The following PRKN variants were observed in gnomAD, a reference collection of about 807,000 sequenced individuals.
PRKN encodes E3 ubiquitin-protein ligase parkin.
Under a neutral mutation model 59.5 loss-of-function variants are expected in PRKN, and 56 were observed. That is an observed-to-expected ratio of 0.94 (90% CI 0.76 to 1.18). The LOEUF is 1.18. PRKN is among the 50% of genes most tolerant of loss of function. The pLI is 0.00. For missense variants in PRKN, 657 were observed against 596.4 expected, an observed-to-expected ratio of 1.10 and a Z score of -1.06; for synonymous variants, 250 against 222.1, an observed-to-expected ratio of 1.13 and a Z score of -1.12.
At chr6:162,189,120 C>A (rs554533022) in intron 4 of PRKN, among the ~76,000 whole-genome samples, 2 of 151,330 alleles carry the variant, frequency 1.3e-5, no homozygotes, top group African/African-American at 4.8e-5. Flanking sequence ...AAAGTTGATT[C>A]CTATTCTAAT....
intron 6 of PRKN, among the ~76,000 whole-genome samples, chr6:161,861,421 G>A (rs1389672219): frequency 1.3e-5 from 2 of 152,128 alleles, no homozygotes; most frequent in Non-Finnish European, 2.9e-5. Flanking sequence ...ACCAGGGCCT[G>A]TTGGGCAATG....
At position 162,114,801 on chromosome 6, in the gene PRKN, T is replaced by G. The variant is rs1260644684; in HGVS notation, c.535-60627A>C. On this transcript the variant is annotated intron_variant, in intron 4 of 11. Transcript: ENST00000366898. ...AAATCAAAACCACAATGAGATACCA[T>G]CTCACACCAGTTAGAACGGCAATCA... 3.3e-5 allele frequency among the ~76,000 whole-genome samples: 5 copies of G among 151,978 alleles called. No homozygotes were observed. The East Asian group carries it at 9.7e-4, about 29-fold the overall frequency.
In PRKN at chr6:161,385,032, C is replaced by G. The variant is rs562937170; in HGVS notation, c.1167+1762G>C. On this transcript the variant is annotated intron_variant, in intron 10 of 11. Transcript: ENST00000366898. The surrounding 1 kb of genome is among the most constrained non-coding windows in gnomAD (Gnocchi z 4.9). ...GCAACCTCCACCTCCCGGGTTCAAG[C>G]GATTCTCCTGCCTCAGCCTCCTGAA... is the stretch of plus-strand genomic sequence containing the variant. Among the ~76,000 whole-genome samples, 1 of 152,110 alleles carries G rather than the reference C, an allele frequency of 6.6e-6. No individual in the cohort carries two copies. The highest frequency in any genetic ancestry group is 1.5e-5 in the Non-Finnish European group (1 of 68,026).
At chr6:161,958,852 A>G (rs534467746) in intron 6 of PRKN, among the ~76,000 whole-genome samples, 1 of 151,462 alleles carries the variant, frequency 6.6e-6, no homozygotes, top group Non-Finnish European at 1.5e-5. Context: ...TGACCTCTGA[A>G]CTGGGCAACA....
intron 7 of PRKN, among the ~76,000 whole-genome samples, chr6:161,731,723 G>A (rs1410343988): frequency 6.6e-6 from 1 of 152,144 alleles, no homozygotes; most frequent in African/African-American, 2.4e-5. Context: ...AACAGAGACT[G>A]AAGAAGACAG....
At chr6:161,539,410 GCATGCCTGGCTCTTTCTGGAACAGCAGC>G (rs1779538772) in intron 9 of PRKN, among the ~76,000 whole-genome samples, 1 of 106,268 alleles carries the variant, frequency 9.4e-6, no homozygotes, top group Non-Finnish European at 2.5e-5. Context: ...ACCACCACCT[GCATGCCTGGCTCTTTCTGGAACAGCAGC>G]GAGCCTTCAC....
At chr6:161,635,401 T>C (rs1307316987) in intron 7 of PRKN, among the ~76,000 whole-genome samples, 1 of 152,202 alleles carries the variant, frequency 6.6e-6, no homozygotes, top group Non-Finnish European at 1.5e-5. Context: ...CCTATTTACA[T>C]GTGCTGACAG....
intron 6 of PRKN, among the ~76,000 whole-genome samples, chr6:161,859,802 T>A (rs9347548): frequency 0.5 from 75,200 of 151,708 alleles, 18,845 homozygotes; most frequent in East Asian, 0.74. Context: ...AAACTATGGT[T>A]TTATCCCAGA....
intron 2 of PRKN, among the ~76,000 whole-genome samples, chr6:162,385,405 T>C (rs558988801): frequency 6.6e-6 from 1 of 152,284 alleles, no homozygotes; most frequent in Admixed American, 6.5e-5. Flanking sequence ...ACACAAAAAC[T>C]TTCTCTATTA....
chr6:161,573,062 G>A (rs965671866), intron 7 of PRKN, among the ~76,000 whole-genome samples: 2 of 152,156 alleles, frequency 1.3e-5, no homozygotes, highest in African/African-American at 2.4e-5. Context: ...TAGAAGGCAA[G>A]GGAGGCTTCC....
rs562039466 is a variant in PRKN, at chr6:161,906,998, AGTCCACT to A, written c.734+66297_734+66303del. Among the ~76,000 whole-genome samples the A allele has an allele frequency of 1.4e-3, 213 of 152,196 alleles. 3 individuals carry two copies. The highest frequency in any genetic ancestry group is 2.5e-3 in the South Asian group (12 of 4,822). On this transcript the variant is annotated intron_variant, in intron 6 of 11. Coordinates refer to ENST00000366898, the MANE Select transcript of PRKN (RefSeq NM_004562.3). Reference sequence around the variant, plus strand: ...GATTGAGGGTGGGTCTGCCTCTCCCAGTCCACTGACTCAAATGTTTATCTCCTTTGGG... The same window carrying A: ...GATTGAGGGTGGGTCTGCCTCTCCCAGACTCAAATGTTTATCTCCTTTGGG...
In PRKN at chr6:162,011,055, ATTATAATATATAATATAT is replaced by A. The variant is rs1429330562; in HGVS notation, c.619-37656_619-37639del. On this transcript the variant is annotated intron_variant, in intron 5 of 11. Coordinates refer to ENST00000366898, the MANE Select transcript of PRKN (RefSeq NM_004562.3). ...ATTATAATATATATTTATAATATAT[ATTATAATATATAATATAT>A]TTATAATATATATTATAATATATAA... is the stretch of plus-strand genomic sequence containing the variant. 2.4e-4 allele frequency among the ~76,000 whole-genome samples: 3 copies of A among 12,256 alleles called. 1 individual carries two copies. In the East Asian group the frequency reaches 0.013, roughly 51 times the overall value. The allele number at this position is 12,256 out of a possible 152,430, so 8.0% of individuals were successfully genotyped here.
chr6:161,528,588 C>T (rs1779095092), intron 9 of PRKN, among the ~76,000 whole-genome samples: 1 of 152,176 alleles, frequency 6.6e-6, no homozygotes, highest in African/African-American at 2.4e-5. Context: ...ATAGGGCCCC[C>T]TCATATAACA....
At chr6:161,715,116 G>A (rs540454175) in intron 7 of PRKN, among the ~76,000 whole-genome samples, 35 of 152,254 alleles carry the variant, frequency 2.3e-4, no homozygotes, top group African/African-American at 8.4e-4. Context: ...CACATTGCTG[G>A]GTTTTTATAA....
At position 161,448,485 on chromosome 6, in the gene PRKN, C is replaced by T. The variant is rs2115113293; in HGVS notation, c.1084-61608G>A. Among the ~76,000 whole-genome samples the T allele has an allele frequency of 6.6e-6, 1 of 152,258 alleles. No individual in the cohort carries two copies. The highest frequency in any genetic ancestry group is 1.5e-5 in the Non-Finnish European group (1 of 68,018). The stretch of plus-strand genomic sequence containing the variant: ...ATGCTGATTTCGGGGGGCATTTTTG[C>T]TTCAAATTTGTAAAAAGCAAAGGTT... On this transcript the variant is annotated intron_variant, in intron 9 of 11. Coordinates refer to ENST00000366898, the MANE Select transcript of PRKN (RefSeq NM_004562.3). The surrounding 1 kb of genome is among the most constrained non-coding windows in gnomAD (Gnocchi z 5.1).
At chr6:162,469,511 C>T (rs62430738) in intron 1 of PRKN, among the ~76,000 whole-genome samples, 10 of 74,774 alleles carry the variant, frequency 1.3e-4, no homozygotes, top group African/African-American at 3.4e-4. Flanking sequence ...TGTGTGTATA[C>T]ACACACACAC....
chr6:162,462,356 G>C (rs1259733289), intron 1 of PRKN, among the ~76,000 whole-genome samples: 1 of 152,208 alleles, frequency 6.6e-6, no homozygotes, highest in African/African-American at 2.4e-5. Context: ...ACAAATGTGT[G>C]CTGTTAATTA....
chr6:161,613,386 G>T (rs765650340), intron 7 of PRKN, among the ~76,000 whole-genome samples: 14 of 151,850 alleles, frequency 9.2e-5, no homozygotes, highest in Non-Finnish European at 1.9e-4. Context: ...TTTTAAGTTG[G>T]AATCTACTTC....
At chr6:162,439,470 G>A (rs146324353) in intron 2 of PRKN, among the ~76,000 whole-genome samples, 77 of 151,794 alleles carry the variant, frequency 5.1e-4, no homozygotes, top group African/African-American at 1.8e-3. Context: ...CTGAGGTAAC[G>A]TAGCAAAAAG....
Sources: allele counts gnomAD v4.1 joint callset (sites outside exome capture counted in the v4.1 genomes callset), GRCh38; gene constraint gnomAD v4.1.1; non-coding constraint Gnocchi (gnomAD v3.1); transcripts MANE v1.5; gene names NCBI Gene and HGNC (gene_info 2026-07-23, HGNC 2026-07-21).